The following ICMT variants were observed in gnomAD, a reference collection of about 807,000 sequenced individuals.
ICMT encodes the protein isoprenylcysteine carboxyl methyltransferase.
A neutral mutation model predicts 32.2 loss-of-function variants in ICMT; 10 were observed. The ratio of observed to expected loss-of-function variants is 0.31; its 90% CI spans 0.19 to 0.53. The LOEUF (loss-of-function observed/expected upper bound fraction) is 0.53, where lower values mean the gene tolerates loss of function less well. Among genes scored for constraint, ICMT ranks in the 20% least tolerant of loss-of-function variants. The pLI is 0.96. For synonymous variants in ICMT, 183 were observed against 158.2 expected, an observed-to-expected ratio of 1.16 and a Z score of -1.18; for missense variants, 265 against 356.9, an observed-to-expected ratio of 0.74 and a Z score of 2.07.
chr1:6,224,835 G>T lies in ICMT; in HGVS notation c.*245C>A, dbSNP rs79099174. On this transcript the variant is annotated 3_prime_UTR_variant, in exon 5 of 5. Coordinates refer to ENST00000343813, the MANE Select transcript of ICMT (RefSeq NM_012405.4). Reference sequence around the variant, plus strand: ...ACTCTGGAGGGCGCTGTGGAATATTGCTGTGATTTGCCCCTTACTCGTCTT... The same window carrying T: ...ACTCTGGAGGGCGCTGTGGAATATTTCTGTGATTTGCCCCTTACTCGTCTT... 1,610 of 471,982 alleles carry T rather than the reference G, an allele frequency of 3.4e-3. 24 individuals are homozygous for T. The highest frequency in any genetic ancestry group is 0.029 in the African/African-American group (1,465 of 50,410). 29.2% of individuals were successfully genotyped at this position (471,982 alleles called of 1,614,324 possible).
At chr1:6,227,484 G>A (rs1378215333) in intron 4 of ICMT, among the ~76,000 whole-genome samples, 2 of 152,316 alleles carry the variant, frequency 1.3e-5, no homozygotes, top group East Asian at 3.9e-4. Flanking sequence ...CAAACACTTC[G>A]TGAATTTTCC....
chr1:6,225,284 C>G (rs1011679418), intron 4 of ICMT, 22 bp from the exon 5 acceptor site: 1 of 1,607,094 alleles, frequency 6.2e-7, no homozygotes, highest in African/African-American at 1.3e-5. Flanking sequence ...AGACACCAGG[C>G]TCATCAGGGT....
In ICMT at chr1:6,222,337, C is replaced by T. The variant is rs1017063264; in HGVS notation, c.*2743G>A. 9 of 152,482 alleles carry T rather than the reference C, an allele frequency of 5.9e-5. No homozygotes were observed. The highest frequency in any genetic ancestry group is 1.0e-4 in the Non-Finnish European group (7 of 68,258). The allele number at this position is 152,482 out of a possible 1,614,324, so 9.4% of individuals were successfully genotyped here. A position where few individuals can be genotyped will look rare whatever the true frequency, so the allele number is the denominator to read the frequency against. ...ACTCAGGAGGCTGAGGCAGGAGAAT[C>T]GCTTGAACCCGGGAGGCAGAGGTTG... On this transcript the variant is annotated 3_prime_UTR_variant, in exon 5 of 5. Coordinates refer to ENST00000343813, the MANE Select transcript of ICMT (RefSeq NM_012405.4).
intron 4 of ICMT, among the ~76,000 whole-genome samples, chr1:6,226,800 T>C (rs756500066): frequency 6.6e-6 from 1 of 152,228 alleles, no homozygotes; most frequent in Non-Finnish European, 1.5e-5. Context: ...GGACTTGAAC[T>C]CTTGGCCTCA....
At chr1:6,233,697 T>C in intron 2 of ICMT, 54 bp from the exon 3 acceptor site, 2 of 1,483,974 alleles carry the variant, frequency 1.3e-6, no homozygotes, top group Non-Finnish European at 1.9e-6. Flanking sequence ...AAGTTAACCA[T>C]AAGTGCACAT....
At chr1:6,234,394 A>T in intron 2 of ICMT, 1 of 436,608 alleles carries the variant, frequency 2.3e-6, no homozygotes, top group South Asian at 1.7e-5. Flanking sequence ...AGAGGAGATA[A>T]AACTTTTTAC....
chr1:6,225,344 C>G, intron 4 of ICMT, 82 bp from the exon 5 acceptor site: 1 of 1,360,018 alleles, frequency 7.4e-7, no homozygotes, highest in Non-Finnish European at 1.0e-6. Context: ...CTCTAATACC[C>G]AGAGGATTTC....
At chr1:6,225,321 G>C in intron 4 of ICMT, 59 bp from the exon 5 acceptor site, 1 of 1,509,086 alleles carries the variant, frequency 6.6e-7, no homozygotes, top group Middle Eastern at 2.4e-4. Flanking sequence ...CCTGTGCTTT[G>C]GTAGGCGTCT....
rs1668602870 is a variant in ICMT, at chr1:6,224,039, G to A, written c.*1041C>T. 1 of 152,142 alleles carries A rather than the reference G, an allele frequency of 6.6e-6. No individual in the cohort carries two copies. The highest frequency in any genetic ancestry group is 2.4e-5 in the African/African-American group (1 of 41,422). The allele number at this position is 152,142 out of a possible 1,614,324, so 9.4% of individuals were successfully genotyped here. ...TTATTTTTGAGAGTCAATCTGCTTG[G>A]ATTTGTAGTTGTATATGCTCAAATC... On this transcript the variant is annotated 3_prime_UTR_variant, in exon 5 of 5. Transcript: ENST00000343813.
chr1:6,225,744 G>A (rs1165317274), intron 4 of ICMT, among the ~76,000 whole-genome samples: 2 of 151,738 alleles, frequency 1.3e-5, no homozygotes, highest in South Asian at 2.1e-4. Flanking sequence ...TTACCTCCAC[G>A]CTCAGAGAGC....
intron 4 of ICMT, among the ~76,000 whole-genome samples, chr1:6,230,978 G>A (rs1668726449): frequency 6.6e-6 from 1 of 151,562 alleles, no homozygotes; most frequent in South Asian, 2.1e-4. Flanking sequence ...CAGGAAGGCA[G>A]ACTGCTTGAG....
Position 6,222,069 on chromosome 1 carries a change from T to TA in ICMT, c.*3010dup, listed in dbSNP as rs1162320346. ...ACTGCTAAATTTATAAAGCTAAAAA[T>TA]AATCTCAAGATCATGGAACTAAAAA... On this transcript the variant is annotated 3_prime_UTR_variant, in exon 5 of 5. Coordinates refer to ENST00000343813, the MANE Select transcript of ICMT (RefSeq NM_012405.4). The TA allele has an allele frequency of 6.6e-6, 1 of 152,202 alleles. No individual in the cohort carries two copies. Among genetic ancestry groups the TA allele is most frequent in the African/African-American group, 2.4e-5 (1 of 41,448 alleles). The allele number at this position is 152,202 out of a possible 1,614,324, so 9.4% of individuals were successfully genotyped here.
At chr1:6,228,564 G>C (rs1042767879) in intron 4 of ICMT, among the ~76,000 whole-genome samples, 6 of 151,648 alleles carry the variant, frequency 4.0e-5, no homozygotes, top group Admixed American at 3.3e-4. Context: ...GGATGGTCTT[G>C]ATCTCCTGAC....
intron 1 of ICMT, 137 bp from the exon 2 acceptor site, chr1:6,235,111 G>T: frequency 1.5e-6 from 1 of 658,556 alleles, no homozygotes; most frequent in Non-Finnish European, 2.7e-6. Flanking sequence ...AGAAGTGGGC[G>T]ACCTGGGTTC....
chr1:6,232,161 A>G, intron 3 of ICMT, 42 bp from the exon 4 acceptor site: 9 of 1,487,618 alleles, frequency 6.0e-6, no homozygotes, highest in Non-Finnish European at 8.4e-6. Context: ...GAGTGAAAAC[A>G]CTGGCCTGAG....
At position 6,224,984 on chromosome 1, in the gene ICMT, G is replaced by T; in HGVS notation, c.*96C>A. 2 of 1,106,102 alleles carry T rather than the reference G, an allele frequency of 1.8e-6. No individual in the cohort carries two copies. Among genetic ancestry groups the T allele is most frequent in the South Asian group, 1.5e-5 (1 of 66,746 alleles). 68.5% of individuals were successfully genotyped at this position (1,106,102 alleles called of 1,614,324 possible). The stretch of plus-strand genomic sequence containing the variant: ...AGAAGAGTGACTAATGACATAAAAC[G>T]ATTAAGAAAATCCATGTGGCAGCGG... On this transcript the variant is annotated 3_prime_UTR_variant, in exon 5 of 5. Coordinates refer to ENST00000343813, the MANE Select transcript of ICMT (RefSeq NM_012405.4).
At position 6,224,764 on chromosome 1, in the gene ICMT, T is replaced by G. The variant is rs1668617235; in HGVS notation, c.*316A>C. The G allele has an allele frequency of 3.6e-6, 1 of 281,310 alleles. No homozygotes were observed. 17.4% of individuals were successfully genotyped at this position (281,310 alleles called of 1,614,324 possible). On this transcript the variant is annotated 3_prime_UTR_variant, in exon 5 of 5. Transcript: ENST00000343813. ...AGTCCTGGTTATCCTTTACTTACAC[T>G]CTGGCCTCGGGGGCAGTGGCGTGTG...
intron 4 of ICMT, among the ~76,000 whole-genome samples, chr1:6,230,758 G>A (rs1668722667): frequency 6.6e-6 from 1 of 151,672 alleles, no homozygotes; most frequent in Non-Finnish European, 1.5e-5. Flanking sequence ...GTGTGGTGGC[G>A]GGCGCCTGTA....
At chr1:6,227,115 G>GT (rs1475350196) in intron 4 of ICMT, among the ~76,000 whole-genome samples, 3 of 152,300 alleles carry the variant, frequency 2.0e-5, no homozygotes, top group African/African-American at 4.8e-5. Flanking sequence ...AACAGTAAGT[G>GT]TAAGTATTAT....
Sources: allele counts gnomAD v4.1 joint callset (sites outside exome capture counted in the v4.1 genomes callset), GRCh38; gene constraint gnomAD v4.1.1; transcripts MANE v1.5; gene names NCBI Gene and HGNC (gene_info 2026-07-23, HGNC 2026-07-21).